The following PRPF39 variants were observed in gnomAD, a reference collection of about 807,000 sequenced individuals.
PRPF39 encodes pre-mRNA processing factor 39.
A neutral mutation model predicts 82.1 loss-of-function variants in PRPF39; 27 were observed. That is an observed-to-expected ratio of 0.33 (90% CI 0.24 to 0.45). PRPF39 has a LOEUF of 0.45. Ranked by LOEUF, PRPF39 falls within the 20% of genes least tolerant of loss-of-function variation. The pLI, the probability that PRPF39 is intolerant of heterozygous loss-of-function variation, is 1.00. For missense variants in PRPF39, 581 were observed against 796.9 expected, an observed-to-expected ratio of 0.73 and a Z score of 3.26; for synonymous variants, 261 against 256.4, an observed-to-expected ratio of 1.02 and a Z score of -0.17.
chr14:45,086,468 T>C (rs1883831643), intron 1 of PRPF39, among the ~76,000 whole-genome samples: 1 of 152,128 alleles, frequency 6.6e-6, no homozygotes, highest in South Asian at 2.1e-4. Context: ...TATAATAAAG[T>C]GTAATGTAGT....
At chr14:45,086,846 GT>G (rs57666854) in intron 1 of PRPF39, among the ~76,000 whole-genome samples, 17,247 of 118,444 alleles carry the variant, frequency 0.15, 1,236 homozygotes, top group African/African-American at 0.24. Context: ...GTGTTTCTCA[GT>G]TTTTTTTTTT....
intron 3 of PRPF39, 98 bp from the exon 4 acceptor site, chr14:45,096,789 G>C: frequency 6.5e-7 from 1 of 1,542,228 alleles, no homozygotes; most frequent in Admixed American, 2.0e-5. Flanking sequence ...CAAAATTCCA[G>C]TAATTAGTAT....
In PRPF39 at chr14:45,109,761, A is replaced by G. The variant is rs1382655305; in HGVS notation, c.1157A>G (p.Tyr386Cys). 1 of 1,604,688 alleles carries G rather than the reference A, an allele frequency of 6.2e-7. No homozygotes were observed. The highest frequency in any genetic ancestry group is 2.2e-5 in the East Asian group (1 of 44,734). Residue 386 changes from tyrosine to cysteine, a missense_variant, in exon 8 of 14, where the codon TAT (tyrosine) becomes TGT (cysteine). Physicochemically the swap from Tyr to Cys is radical, Grantham distance 194. Transcript: ENST00000355765. ...FERCVISCAL[Y>C]EEFWIKYAKY... ...AGATGTGTCATATCATGTGCCCTCT[A>G]TGAGGAGTTTTGGATTAAGGTAAGA...
chr14:45,098,527 T>C (rs1445322743), intron 4 of PRPF39, among the ~76,000 whole-genome samples: 1 of 152,186 alleles, frequency 6.6e-6, no homozygotes, highest in Non-Finnish European at 1.5e-5. Flanking sequence ...ATAACCTTTT[T>C]GGTTTTTAAT....
In PRPF39 at chr14:45,116,241, T is replaced by C; in HGVS notation, c.*1328T>C. ...TTCCACTTCAAAAGTGAGTTTTGCATTTGGTGGAATTCTGTTGAAGAAGTC... is the reference window on the plus strand; with the variant it reads ...TTCCACTTCAAAAGTGAGTTTTGCACTTGGTGGAATTCTGTTGAAGAAGTC... On this transcript the variant is annotated 3_prime_UTR_variant, in exon 14 of 14. Coordinates refer to ENST00000355765, the MANE Select transcript of PRPF39 (RefSeq NM_017922.4). 2 of 1,612,774 alleles carry C rather than the reference T, an allele frequency of 1.2e-6. No homozygotes were observed. Among genetic ancestry groups the C allele is most frequent in the Non-Finnish European group, 1.7e-6 (2 of 1,178,956 alleles).
rs1293211366 is a variant in PRPF39, at chr14:45,095,404, A to G, written c.165A>G (p.Thr55=). ...PDDSPNVNAS[T]EETEMASAVD... is the part of the protein sequence containing the mutation. ...ACTCTCCCAATGTGAATGCATCTAC[A>G]GAAGAAACTGAAATGGCAAGTGCTG... Residue 55 remains threonine (T), a synonymous_variant, in exon 2 of 14, where the codon ACA becomes ACG. Coordinates refer to ENST00000355765, the MANE Select transcript of PRPF39 (RefSeq NM_017922.4). The G allele has an allele frequency of 6.2e-7, 1 of 1,613,914 alleles. No homozygotes were observed. Among genetic ancestry groups the G allele is most frequent in the Non-Finnish European group, 8.5e-7 (1 of 1,179,896 alleles).
At chr14:45,092,526 G>A (rs931596468) in intron 1 of PRPF39, among the ~76,000 whole-genome samples, 5 of 150,812 alleles carry the variant, frequency 3.3e-5, no homozygotes, top group African/African-American at 4.9e-5. Context: ...GCTTGAACCC[G>A]GAAGGCGAGG....
chr14:45,100,357 C>G (rs1052683625), intron 4 of PRPF39, among the ~76,000 whole-genome samples: 1 of 152,214 alleles, frequency 6.6e-6, no homozygotes, highest in Non-Finnish European at 1.5e-5. Flanking sequence ...TGTGGCCACT[C>G]TTTTTGCTGG....
At chr14:45,097,716 C>A (rs1482610519) in intron 4 of PRPF39, among the ~76,000 whole-genome samples, 1 of 152,112 alleles carries the variant, frequency 6.6e-6, no homozygotes, top group Non-Finnish European at 1.5e-5. Flanking sequence ...CTTATATAAG[C>A]CATTTTTTAA....
At position 45,114,926 on chromosome 14, in the gene PRPF39, A is replaced by T. The variant is rs1482564820; in HGVS notation, c.*13A>T. Reference sequence around the variant, plus strand: ...CCCTCCAACCTGATGGGAAAAATGTAAATTTCAAATGCAGTGTGTGAAAAG... The same window carrying T: ...CCCTCCAACCTGATGGGAAAAATGTTAATTTCAAATGCAGTGTGTGAAAAG... On this transcript the variant is annotated 3_prime_UTR_variant, in exon 14 of 14. Transcript: ENST00000355765. The T allele has an allele frequency of 1.9e-6, 3 of 1,567,688 alleles. No individual in the cohort carries two copies. The African/African-American group carries it at 4.1e-5, about 21-fold the overall frequency.
At chr14:45,107,082 A>G (rs985703071) in intron 5 of PRPF39, among the ~76,000 whole-genome samples, 2 of 152,346 alleles carry the variant, frequency 1.3e-5, no homozygotes, top group South Asian at 2.1e-4. Flanking sequence ...AATAGATTCT[A>G]TGACACACGA....
intron 7 of PRPF39, among the ~76,000 whole-genome samples, chr14:45,109,391 G>A (rs879458655): frequency 4.6e-5 from 7 of 152,038 alleles, no homozygotes; most frequent in Non-Finnish European, 8.8e-5. Flanking sequence ...ACATTAAAAA[G>A]CATGTAATTG....
Position 45,116,209 on chromosome 14 carries a change from C to T in PRPF39, c.*1296C>T, listed in dbSNP as rs200118334. 2.9e-5 allele frequency: 46 copies of T among 1,610,318 alleles called. No individual in the cohort carries two copies. The highest frequency in any genetic ancestry group is 3.7e-5 in the Non-Finnish European group (44 of 1,176,854). On this transcript the variant is annotated 3_prime_UTR_variant, in exon 14 of 14. Coordinates refer to ENST00000355765, the MANE Select transcript of PRPF39 (RefSeq NM_017922.4). ...GAAGCACTGCTATTTCAATCAATAT[C>T]CACTAATTCCACTTCAAAAGTGAGT...
intron 5 of PRPF39, 108 bp from the exon 6 acceptor site, chr14:45,107,343 G>A: frequency 1.2e-6 from 1 of 837,212 alleles, no homozygotes; most frequent in South Asian, 2.1e-5. Flanking sequence ...TGATATTTTG[G>A]TTTCTTTTTT....
In PRPF39 at chr14:45,110,464, C is replaced by T; in HGVS notation, c.1304-85C>T. 1 of 1,376,310 alleles carries T rather than the reference C, an allele frequency of 7.3e-7. No homozygotes were observed. The highest frequency in any genetic ancestry group is 9.9e-7 in the Non-Finnish European group (1 of 1,011,942). The allele number at this position is 1,376,310 out of a possible 1,614,324, so 85.3% of individuals were successfully genotyped here. On this transcript the variant is annotated intron_variant, in intron 9 of 13. Transcript: ENST00000355765. This position sits in a 1 kb window ranked among gnomAD's most constrained non-coding sequence, Gnocchi z 4.0. ...CCATTATTAGTTGCTGGATTTAGCC[C>T]ATGGGTGATTGTTGCCAGTATCTGG...
intron 2 of PRPF39, among the ~76,000 whole-genome samples, 185 bp from the exon 3 acceptor site, chr14:45,095,918 G>T: frequency 7.0e-6 from 1 of 143,742 alleles, no homozygotes; most frequent in African/African-American, 2.7e-5. Flanking sequence ...TTAAGTGAAA[G>T]CAAGTTTATT....
intron 11 of PRPF39, among the ~76,000 whole-genome samples, chr14:45,113,214 AT>A (rs1302728216): frequency 2.0e-5 from 3 of 152,188 alleles, no homozygotes; most frequent in African/African-American, 7.2e-5. Context: ...ATATGTGTGT[AT>A]ATATTTTTGA....
chr14:45,101,950 G>C (rs1310619190), intron 4 of PRPF39, among the ~76,000 whole-genome samples: 2 of 151,680 alleles, frequency 1.3e-5, no homozygotes, highest in Non-Finnish European at 2.9e-5. Context: ...GGGACTACAG[G>C]CATGTGCCAC....
intron 1 of PRPF39, among the ~76,000 whole-genome samples, chr14:45,089,050 C>T (rs919906273): frequency 2.0e-5 from 3 of 152,142 alleles, no homozygotes; most frequent in African/African-American, 7.2e-5. Context: ...CTGTAGGTTG[C>T]CTTTTCACTC....
Sources: gnomAD v4.1 joint callset for allele counts (sites outside exome capture counted in the v4.1 genomes callset) on GRCh38, gnomAD v4.1.1 for gene constraint, Gnocchi (gnomAD v3.1) non-coding constraint, MANE v1.5 for transcripts, NCBI Gene and HGNC (gene_info 2026-07-23, HGNC 2026-07-21) for gene names.